The following ERI1 variants were observed in gnomAD, a reference collection of about 807,000 sequenced individuals.
The protein encoded by ERI1 is 3'-5' exoribonuclease 1.
Under a neutral mutation model 39.7 loss-of-function variants are expected in ERI1, and 39 were observed. The observed-to-expected ratio is 0.98, with a 90% confidence interval of 0.76 to 1.28. The LOEUF (loss-of-function observed/expected upper bound fraction) is 1.28, where lower values mean the gene tolerates loss of function less well. Among genes scored for constraint, ERI1 ranks in the 50% most tolerant of loss-of-function variants. The pLI is 0.00. For missense variants in ERI1, 581 were observed against 416.9 expected (o/e 1.39, Z -3.43); for synonymous variants, 204 against 149.6 (o/e 1.36, Z -2.65).
intron 1 of ERI1, among the ~76,000 whole-genome samples, chr8:9,003,462 C>T (rs1054310268): frequency 1.3e-5 from 2 of 152,192 alleles, no homozygotes; most frequent in Non-Finnish European, 2.9e-5. Context: ...TCTGTGTTCA[C>T]GGTTGCTGTT....
intron 3 of ERI1, among the ~76,000 whole-genome samples, chr8:9,059,229 A>C (rs2117392645): frequency 6.6e-6 from 1 of 152,290 alleles, no homozygotes; most frequent in Non-Finnish European, 1.5e-5. Flanking sequence ...GAATGTCATC[A>C]GTTAAGGCAG....
chr8:9,084,391 C>T (rs572808055), intron 3 of ERI1, among the ~76,000 whole-genome samples: 1 of 152,180 alleles, frequency 6.6e-6, no homozygotes, highest in South Asian at 2.1e-4. Flanking sequence ...TGTACCTTTT[C>T]TTTGCCCGTA....
intron 3 of ERI1, among the ~76,000 whole-genome samples, chr8:9,050,993 A>T (rs753949377): frequency 2.0e-5 from 3 of 152,000 alleles, no homozygotes; most frequent in Non-Finnish European, 4.4e-5. Flanking sequence ...TCCTGAACTT[A>T]ATGATCTTTG....
At chr8:9,007,095 C>G (rs189366452) in intron 1 of ERI1, among the ~76,000 whole-genome samples, 1 of 152,230 alleles carries the variant, frequency 6.6e-6, no homozygotes, top group East Asian at 1.9e-4. Flanking sequence ...ACAAATGAAT[C>G]TTTGGAACTT....
intron 3 of ERI1, among the ~76,000 whole-genome samples, chr8:9,073,044 A>AT (rs1241183707): frequency 6.6e-6 from 1 of 151,976 alleles, no homozygotes; most frequent in African/African-American, 2.4e-5. Flanking sequence ...GGCCTTCAGG[A>AT]TTTTTTTATT....
At position 9,097,582 on chromosome 8, in the gene ERI1, T is replaced by A. The variant is rs557145109; in HGVS notation, n.300-18766T>A. On this transcript the variant is annotated intron_variant and non_coding_transcript_variant, in intron 3 of 3. Transcript: ENST00000518663. ...TACGCAGGAGGCTGAGGCTGGAGAA[T>A]CACTTGAACCAGGGCGGCAGAAGTT... 3.3e-5 allele frequency among the ~76,000 whole-genome samples: 5 copies of A among 149,792 alleles called. No individual in the cohort carries two copies. In the South Asian group the frequency reaches 1.0e-3, roughly 31 times the overall value.
At chr8:9,056,380 G>T (rs552635741) in intron 3 of ERI1, among the ~76,000 whole-genome samples, 1 of 152,320 alleles carries the variant, frequency 6.6e-6, no homozygotes, top group East Asian at 1.9e-4. Flanking sequence ...ACTTGCCCAC[G>T]TTGTTAAACT....
chr8:9,040,389 G>A (rs557279548), intron 3 of ERI1, among the ~76,000 whole-genome samples: 1 of 152,314 alleles, frequency 6.6e-6, no homozygotes, highest in Admixed American at 6.5e-5. Flanking sequence ...GGTGGTAGGA[G>A]GCTTCTGCTT....
At chr8:9,052,298 A>G (rs181379655) in intron 3 of ERI1, among the ~76,000 whole-genome samples, 6 of 151,220 alleles carry the variant, frequency 4.0e-5, no homozygotes, top group Non-Finnish European at 8.8e-5. Flanking sequence ...TTCCGTGTCC[A>G]TGGAAAGGAC....
At chr8:9,004,829 A>C (rs28812315) in intron 1 of ERI1, among the ~76,000 whole-genome samples, 20,690 of 151,868 alleles carry the variant, frequency 0.14, 1,574 homozygotes, top group African/African-American at 0.16. Flanking sequence ...CTGGGATTAC[A>C]GGAACCCACC....
At chr8:9,029,717 T>G in intron 6 of ERI1, 75 bp from the exon 7 acceptor site, 1 of 1,550,226 alleles carries the variant, frequency 6.5e-7, no homozygotes, top group Non-Finnish European at 8.8e-7. Flanking sequence ...CAGTTTCTTA[T>G]TTTTCATCTT....
intron 3 of ERI1, among the ~76,000 whole-genome samples, chr8:9,055,421 A>T (rs1384437247): frequency 6.6e-6 from 1 of 152,232 alleles, no homozygotes; most frequent in Non-Finnish European, 1.5e-5. Context: ...GGGGAAACCT[A>T]GCCAGGCTTG....
chr8:9,064,686 C>T (rs895892233), intron 3 of ERI1, among the ~76,000 whole-genome samples: 1 of 152,076 alleles, frequency 6.6e-6, no homozygotes, highest in Non-Finnish European at 1.5e-5. Context: ...GCTGGTGGGT[C>T]TGAGGACCTG....
At chr8:9,048,728 T>G (rs943258375) in intron 3 of ERI1, among the ~76,000 whole-genome samples, 1 of 152,200 alleles carries the variant, frequency 6.6e-6, no homozygotes, top group Admixed American at 6.5e-5. Context: ...GACTGCAGCC[T>G]CAATCTCCCT....
chr8:9,083,527 T>A (rs1799431672), intron 3 of ERI1, among the ~76,000 whole-genome samples: 1 of 152,132 alleles, frequency 6.6e-6, no homozygotes, highest in Admixed American at 6.5e-5. Flanking sequence ...TTGTACTCAG[T>A]ATCCAGCCTT....
chr8:9,084,947 T>A (rs941820469), intron 3 of ERI1, among the ~76,000 whole-genome samples: 9 of 152,202 alleles, frequency 5.9e-5, no homozygotes, highest in Non-Finnish European at 7.3e-5. Context: ...GACCACCTTA[T>A]AGCAGTCGTT....
downstream of ERI1, among the ~76,000 whole-genome samples, chr8:9,037,169 G>C (rs1183475325): frequency 3.3e-5 from 5 of 152,244 alleles, no homozygotes; most frequent in East Asian, 5.8e-4. Flanking sequence ...ATAAAACTCA[G>C]CTCTCTGTTG....
intron 3 of ERI1, among the ~76,000 whole-genome samples, chr8:9,055,694 C>G (rs1160610612): frequency 6.6e-6 from 1 of 152,168 alleles, no homozygotes; most frequent in Non-Finnish European, 1.5e-5. Flanking sequence ...CACCCGCCAC[C>G]ATGCCTGGCT....
intron 6 of ERI1, among the ~76,000 whole-genome samples, chr8:9,027,716 A>C (rs1262859168): frequency 6.6e-6 from 1 of 152,180 alleles, no homozygotes; most frequent in African/African-American, 2.4e-5. Context: ...TTTTCCCAAC[A>C]CCGTTTGTTG....
Sources: gnomAD v4.1 joint callset for allele counts (sites outside exome capture counted in the v4.1 genomes callset) on GRCh38, gnomAD v4.1.1 for gene constraint, MANE v1.5 for transcripts, NCBI Gene and HGNC (gene_info 2026-07-23, HGNC 2026-07-21) for gene names.